Variants in CCDC50 observed in about 807,000 individuals in gnomAD.
CCDC50 encodes coiled-coil domain-containing protein 50.
A neutral mutation model predicts 70.2 loss-of-function variants in CCDC50; 54 were observed. The observed-to-expected ratio is 0.77, with a 90% CI of 0.62 to 0.96. CCDC50 has a LOEUF of 0.96. CCDC50 is among the 50% of genes least tolerant of loss of function. The pLI, the probability that CCDC50 is intolerant of heterozygous loss-of-function variation, is 0.00. For synonymous variants in CCDC50, 216 were observed against 198.8 expected (o/e 1.09, Z -0.73); for missense variants, 558 against 578.7 (o/e 0.96, Z 0.37).
chr3:191,348,641 CAG>C (rs1211764198), intron 1 of CCDC50, among the ~76,000 whole-genome samples: 2 of 141,728 alleles, frequency 1.4e-5, no homozygotes, highest in African/African-American at 5.0e-5. Flanking sequence ...TTGGAAAGAA[CAG>C]GGAATTTGGA....
chr3:191,386,676 T>C (rs1232345893), intron 10 of CCDC50, among the ~76,000 whole-genome samples: 2 of 152,204 alleles, frequency 1.3e-5, no homozygotes, highest in Non-Finnish European at 2.9e-5. Context: ...AGCATTTCTA[T>C]ATTCCAGTAA....
intron 6 of CCDC50, among the ~76,000 whole-genome samples, chr3:191,379,835 C>CT (rs1713248838): frequency 6.6e-6 from 1 of 152,026 alleles, no homozygotes; most frequent in South Asian, 2.1e-4. Context: ...TTTTCAATGA[C>CT]TTTTTTTTCA....
intron 10 of CCDC50, 43 bp downstream of exon 10, chr3:191,382,868 G>C: frequency 7.2e-7 from 1 of 1,389,058 alleles, no homozygotes; most frequent in Non-Finnish European, 1.0e-6. Flanking sequence ...GTTGACTTTG[G>C]GGTGAATAAG....
intron 10 of CCDC50, among the ~76,000 whole-genome samples, chr3:191,386,487 A>G (rs1223483630): frequency 6.6e-6 from 1 of 152,108 alleles, no homozygotes; most frequent in Non-Finnish European, 1.5e-5. Context: ...GGCCTCTCAA[A>G]GTGCTGCGAT....
intron 10 of CCDC50, among the ~76,000 whole-genome samples, chr3:191,386,486 A>G (rs751237115): frequency 3.3e-5 from 5 of 152,092 alleles, no homozygotes; most frequent in Non-Finnish European, 5.9e-5. Flanking sequence ...CGGCCTCTCA[A>G]AGTGCTGCGA....
chr3:191,364,983 T>C (rs1712631040), intron 4 of CCDC50, among the ~76,000 whole-genome samples: 1 of 152,108 alleles, frequency 6.6e-6, no homozygotes, highest in South Asian at 2.1e-4. Flanking sequence ...CTGGACTCTG[T>C]GAATTAGTGG....
At chr3:191,364,171 C>T (rs750476950) in intron 4 of CCDC50, among the ~76,000 whole-genome samples, 4 of 151,592 alleles carry the variant, frequency 2.6e-5, no homozygotes, top group Non-Finnish European at 4.4e-5. Flanking sequence ...TGGGTTCAAG[C>T]GATTCCCCTG....
chr3:191,353,322 G>A (rs1712164113), intron 1 of CCDC50, among the ~76,000 whole-genome samples: 1 of 141,836 alleles, frequency 7.1e-6, no homozygotes, highest in Non-Finnish European at 1.6e-5. Context: ...AGTAGAAGAT[G>A]TTGATAGAGT....
chr3:191,387,083 A>G (rs1385093561), intron 10 of CCDC50, among the ~76,000 whole-genome samples: 1 of 152,178 alleles, frequency 6.6e-6, no homozygotes. Flanking sequence ...TGAGCACCCT[A>G]TTAATTGCTC....
intron 6 of CCDC50, among the ~76,000 whole-genome samples, chr3:191,378,529 T>C (rs1713194935): frequency 7.9e-6 from 1 of 126,254 alleles, no homozygotes. Flanking sequence ...AGCTTTGGGC[T>C]GCTTATTGAA....
chr3:191,361,167 T>C lies in CCDC50; in HGVS notation c.330+8T>C, dbSNP rs755830147. ...CAGGAGAAGAAGGATGAGGTATAAC[T>C]TAGTTACTGCCCCTCTCCCTCATGG... is the stretch of plus-strand genomic sequence containing the variant. On this transcript the variant is annotated splice_region_variant and intron_variant, in intron 4 of 11. Transcript: ENST00000392455. 2 of 1,597,632 alleles carry C rather than the reference T, an allele frequency of 1.3e-6. No homozygotes were observed. The highest frequency in any genetic ancestry group is 1.3e-5 in the African/African-American group (1 of 74,676).
rs1452131617 is a variant in CCDC50 at position 191,353,534 on chromosome 3, A to G, written c.50-3554A>G. Among the ~76,000 whole-genome samples, 2 of 141,420 alleles carry G rather than the reference A, an allele frequency of 1.4e-5. 1 individual carries two copies. Among genetic ancestry groups the G allele is most frequent in the Non-Finnish European group, 3.2e-5 (2 of 62,718 alleles). 92.8% of individuals were successfully genotyped at this position (141,420 alleles called of 152,430 possible). ...CGAAGGCAGAGGAGGTTAGAAAAGGAGAAAAGTTCTCTTCATGCTCTGAGC... is the reference window on the plus strand; with the variant it reads ...CGAAGGCAGAGGAGGTTAGAAAAGGGGAAAAGTTCTCTTCATGCTCTGAGC... On this transcript the variant is annotated intron_variant, in intron 1 of 11. Transcript: ENST00000392455.
intron 1 of CCDC50, among the ~76,000 whole-genome samples, chr3:191,332,066 T>C (rs944908901): frequency 2.0e-5 from 3 of 152,176 alleles, no homozygotes; most frequent in Non-Finnish European, 4.4e-5. Flanking sequence ...CAATAGAGAT[T>C]AAGAAGAATA....
chr3:191,353,102 G>A (rs1455884636), intron 1 of CCDC50, among the ~76,000 whole-genome samples: 1 of 142,098 alleles, frequency 7.0e-6, no homozygotes, highest in East Asian at 1.9e-4. Context: ...TCAGAGCAAA[G>A]TGCATTTCTT....
At chr3:191,367,138 A>G (rs1712722174) in intron 4 of CCDC50, among the ~76,000 whole-genome samples, 1 of 152,112 alleles carries the variant, frequency 6.6e-6, no homozygotes, top group Non-Finnish European at 1.5e-5. Flanking sequence ...TAGAAGAGCA[A>G]AAAGGTTTGG....
intron 4 of CCDC50, among the ~76,000 whole-genome samples, chr3:191,364,857 C>G (rs1037046400): frequency 2.0e-5 from 3 of 152,038 alleles, no homozygotes; most frequent in African/African-American, 7.2e-5. Flanking sequence ...TTCTTGCTCT[C>G]TCACTCTGTC....
intron 1 of CCDC50, among the ~76,000 whole-genome samples, chr3:191,344,161 T>C (rs78089327): frequency 0.015 from 2,212 of 152,368 alleles, 51 homozygotes; most frequent in African/African-American, 0.05. Context: ...TGCTTGTGCA[T>C]GCATGCACAT....
intron 1 of CCDC50, among the ~76,000 whole-genome samples, chr3:191,335,364 CT>C (rs1237061324): frequency 6.6e-6 from 1 of 152,148 alleles, no homozygotes; most frequent in Admixed American, 6.5e-5. Flanking sequence ...ATGTTTTTAA[CT>C]GGTGACTCGT....
intron 8 of CCDC50, 36 bp from the exon 9 acceptor site, chr3:191,380,792 C>T: frequency 6.2e-7 from 1 of 1,604,888 alleles, no homozygotes. Flanking sequence ...CTATCTGCAC[C>T]TCTGCAGTTA....
Sources: allele counts gnomAD v4.1 joint callset (sites outside exome capture counted in the v4.1 genomes callset), GRCh38; gene constraint gnomAD v4.1.1; transcripts MANE v1.5; gene names NCBI Gene and HGNC (gene_info 2026-07-23, HGNC 2026-07-21).